Variants in FMNL2 observed in about 807,000 individuals in gnomAD.
FMNL2 encodes formin like 2.
Under a neutral mutation model 130.2 loss-of-function variants are expected in FMNL2, and 51 were observed. The observed-to-expected ratio is 0.39, with a 90% CI of 0.31 to 0.49. FMNL2 has a LOEUF of 0.49. Ranked by LOEUF, FMNL2 falls within the 20% of genes least tolerant of loss-of-function variation. The pLI is 0.85. For missense variants in FMNL2, 977 were observed against 1,316.2 expected, an observed-to-expected ratio of 0.74 and a Z score of 3.99; for synonymous variants, 465 against 467.1, an observed-to-expected ratio of 1.00 and a Z score of 0.06.
At chr2:152,384,982 G>A (rs1157354212) in intron 1 of FMNL2, among the ~76,000 whole-genome samples, 4 of 152,158 alleles carry the variant, frequency 2.6e-5, no homozygotes, top group African/African-American at 9.7e-5. Context: ...AAATGTATTA[G>A]AGGAAGAATT....
intron 1 of FMNL2, among the ~76,000 whole-genome samples, chr2:152,476,192 G>A (rs1690142375): frequency 1.3e-5 from 2 of 152,162 alleles, no homozygotes; most frequent in African/African-American, 2.4e-5. Flanking sequence ...AGTCTGGTTG[G>A]CATCAAAATG....
At chr2:152,373,712 G>GA (rs1403781982) in intron 1 of FMNL2, among the ~76,000 whole-genome samples, 1 of 114,736 alleles carries the variant, frequency 8.7e-6, no homozygotes, top group Non-Finnish European at 2.1e-5. Flanking sequence ...GAACCTTGTG[G>GA]AAATTTTTTT....
At chr2:152,481,752 C>G (rs13011850) in intron 1 of FMNL2, among the ~76,000 whole-genome samples, 6,522 of 152,248 alleles carry the variant, frequency 0.043, 459 homozygotes, top group African/African-American at 0.15. Flanking sequence ...CTGATAATGT[C>G]AGATCTTCTA....
chr2:152,350,214 G>C (rs1579449665), intron 1 of FMNL2, among the ~76,000 whole-genome samples: 2 of 152,224 alleles, frequency 1.3e-5, no homozygotes, highest in East Asian at 3.9e-4. Context: ...AGTACGATTT[G>C]TTTCTCCGTT....
chr2:152,420,943 T>C (rs149930774), intron 1 of FMNL2, among the ~76,000 whole-genome samples: 45 of 152,338 alleles, frequency 3.0e-4, no homozygotes, highest in African/African-American at 9.9e-4. Context: ...TTGCCTGTTA[T>C]TCGCCTGAGA....
rs574072265 is a variant in FMNL2, at chr2:152,530,581, C to T, written c.201+8555C>T. On this transcript the variant is annotated intron_variant, in intron 2 of 25. Coordinates refer to ENST00000288670, the MANE Select transcript of FMNL2 (RefSeq NM_052905.4). Reference sequence around the variant, plus strand: ...GTGATGTGCTAGATGCTAAGACCACCACGCTTCAGAAAATATTATGCTGAA... The same window carrying T: ...GTGATGTGCTAGATGCTAAGACCACTACGCTTCAGAAAATATTATGCTGAA... 2.0e-5 allele frequency among the ~76,000 whole-genome samples: 3 copies of T among 152,272 alleles called. No homozygotes were observed. In the South Asian group the frequency reaches 6.2e-4, roughly 32 times the overall value.
At chr2:152,551,007 TGCGTGCTTGTA>T (rs1694907270) in intron 4 of FMNL2, among the ~76,000 whole-genome samples, 1 of 152,020 alleles carries the variant, frequency 6.6e-6, no homozygotes, top group African/African-American at 2.4e-5. Context: ...GGCATGGTGG[TGCGTGCTTGTA>T]GTCCCAGCTG....
At chr2:152,596,938 A>T (rs934362919) in intron 9 of FMNL2, among the ~76,000 whole-genome samples, 5 of 152,242 alleles carry the variant, frequency 3.3e-5, no homozygotes, top group African/African-American at 1.2e-4. Flanking sequence ...CTTTTTCCAT[A>T]CTGTTGCATT....
At chr2:152,548,284 G>C (rs1694755854) in intron 3 of FMNL2, among the ~76,000 whole-genome samples, 1 of 152,168 alleles carries the variant, frequency 6.6e-6, no homozygotes, top group African/African-American at 2.4e-5. Context: ...TTAGCAAAGG[G>C]CCTGCCTGCA....
intron 3 of FMNL2, among the ~76,000 whole-genome samples, chr2:152,543,420 C>T (rs573375016): frequency 3.3e-5 from 5 of 152,196 alleles, no homozygotes; most frequent in Admixed American, 1.3e-4. Flanking sequence ...TAGCCTGGCA[C>T]GGCCCTGTGG....
intron 3 of FMNL2, 83 bp from the exon 4 acceptor site, chr2:152,548,938 A>C (rs1694794731): frequency 1.9e-6 from 2 of 1,034,244 alleles, no homozygotes; most frequent in South Asian, 4.1e-5. Flanking sequence ...TATTTTTCAT[A>C]TTGTGTTAAA....
chr2:152,349,402 C>T (rs570664519), intron 1 of FMNL2, among the ~76,000 whole-genome samples: 4 of 152,186 alleles, frequency 2.6e-5, no homozygotes, highest in East Asian at 3.8e-4. Flanking sequence ...AGGGTGTTAA[C>T]GTGGCCACTA....
intron 2 of FMNL2, among the ~76,000 whole-genome samples, chr2:152,534,364 T>C (rs1402352245): frequency 6.6e-6 from 1 of 152,196 alleles, no homozygotes; most frequent in East Asian, 1.9e-4. Context: ...ATTGAAGTTA[T>C]GATAATTATA....
chr2:152,602,706 T>A (rs916423519), intron 9 of FMNL2, among the ~76,000 whole-genome samples: 1 of 152,234 alleles, frequency 6.6e-6, no homozygotes, highest in Non-Finnish European at 1.5e-5. Flanking sequence ...ATGGAAGTGA[T>A]GCCCATCAAT....
intron 1 of FMNL2, among the ~76,000 whole-genome samples, chr2:152,513,213 A>T (rs1692579994): frequency 6.6e-6 from 1 of 152,212 alleles, no homozygotes. Flanking sequence ...CCACAGAGAA[A>T]TGATAACCAC....
chr2:152,579,078 G>T, intron 8 of FMNL2, 114 bp downstream of exon 8: 1 of 841,012 alleles, frequency 1.2e-6, no homozygotes, highest in Non-Finnish European at 1.9e-6. Context: ...TCTGAAATAA[G>T]ATTGGCTATA....
chr2:152,358,653 C>A (rs1190701682), intron 1 of FMNL2, among the ~76,000 whole-genome samples: 5 of 149,352 alleles, frequency 3.3e-5, no homozygotes, highest in African/African-American at 1.3e-4. Flanking sequence ...AAAAAAAATT[C>A]TGTGAATAAA....
Position 152,646,583 on chromosome 2 carries a change from G to C in FMNL2, c.3170-1213G>C, listed in dbSNP as rs186755487. Reference sequence around the variant, plus strand: ...AAACACCAGGAAACTGTACATGTGCGGGGGGTGGGGGGGCACAGTGGAGCA... The same window carrying C: ...AAACACCAGGAAACTGTACATGTGCCGGGGGTGGGGGGGCACAGTGGAGCA... On this transcript the variant is annotated intron_variant, in intron 25 of 25. Coordinates refer to ENST00000288670, the MANE Select transcript of FMNL2 (RefSeq NM_052905.4). 3.6e-3 allele frequency among the ~76,000 whole-genome samples: 543 copies of C among 150,216 alleles called. 5 individuals carry two copies. The highest frequency in any genetic ancestry group is 0.013 in the African/African-American group (503 of 39,678).
chr2:152,488,848 C>T (rs1316855224), intron 1 of FMNL2, among the ~76,000 whole-genome samples: 5 of 152,040 alleles, frequency 3.3e-5, no homozygotes, highest in Admixed American at 6.6e-5. Context: ...GAGGCTGAGG[C>T]GGGAGGATCA....
Sources: gnomAD v4.1 joint callset for allele counts (sites outside exome capture counted in the v4.1 genomes callset) on GRCh38, gnomAD v4.1.1 for gene constraint, MANE v1.5 for transcripts, NCBI Gene and HGNC (gene_info 2026-07-23, HGNC 2026-07-21) for gene names.